Variants in STARD10 observed in about 807,000 individuals in gnomAD.
STARD10 encodes the protein START domain-containing protein 10.
STARD10 carries 24 observed loss-of-function variants against 36.0 expected under a neutral mutation model. The observed-to-expected ratio is 0.67, with a 90% CI of 0.48 to 0.94. The LOEUF (loss-of-function observed/expected upper bound fraction) is 0.94. STARD10 is among the 40% of genes least tolerant of loss of function. STARD10 has a pLI of 0.00. For synonymous variants in STARD10, 156 were observed against 161.9 expected, an observed-to-expected ratio of 0.96 and a Z score of 0.28; for missense variants, 335 against 396.6, an observed-to-expected ratio of 0.84 and a Z score of 1.32.
At chr11:72,771,603 C>G (rs1378303490) in intron 2 of STARD10, among the ~76,000 whole-genome samples, 1 of 152,138 alleles carries the variant, frequency 6.6e-6, no homozygotes, top group Non-Finnish European at 1.5e-5. Flanking sequence ...TAGGCCTTCT[C>G]CGCCGCTCTC....
chr11:72,775,500 G>T (rs1858919069), intron 2 of STARD10, among the ~76,000 whole-genome samples: 1 of 152,036 alleles, frequency 6.6e-6, no homozygotes, highest in African/African-American at 2.4e-5. Context: ...CCACCTCTGG[G>T]CCTTTGCACA....
At chr11:72,780,321 A>C in intron 2 of STARD10, 1 of 395,976 alleles carries the variant, frequency 2.5e-6, no homozygotes, top group South Asian at 1.7e-5. Flanking sequence ...ACTGCTCCCT[A>C]TGTTGGCTTC....
In STARD10 at chr11:72,754,917, C is replaced by G. The variant is rs1042929978; in HGVS notation, c.856G>C (p.Asp286His). The change falls in exon 7 of 7, where the codon GAC becomes CAC. Residue 286 changes from aspartate to histidine, a missense_variant. Coordinates refer to ENST00000334805, the MANE Select transcript of STARD10 (RefSeq NM_006645.3). ...GGCGCTCAGGTGAGCGAGGTGTCGT[C>G]GTCGCTGCCCTCGCCGCCCGCGCCG... Reference protein sequence around the residue: ...MGGAGGEGSDDDTSLT With the variant: ...MGGAGGEGSDHDTSLT 7 of 1,600,260 alleles carry G rather than the reference C, an allele frequency of 4.4e-6. No homozygotes were observed. Among genetic ancestry groups the G allele is most frequent in the East Asian group, 4.5e-5 (2 of 44,692 alleles).
intron 1 of STARD10, among the ~76,000 whole-genome samples, chr11:72,789,241 C>T (rs1445684110): frequency 1.3e-5 from 2 of 152,188 alleles, no homozygotes; most frequent in Non-Finnish European, 2.9e-5. Context: ...TAGCACAGTG[C>T]CTGGCACACA....
At chr11:72,787,084 CA>C (rs765529093) in intron 1 of STARD10, among the ~76,000 whole-genome samples, 1,458 of 72,010 alleles carry the variant, frequency 0.02, 4 homozygotes, top group African/African-American at 0.056. Context: ...ACCCTGTGTC[CA>C]AAAAAAAAAA....
chr11:72,778,282 T>C (rs1377329108), intron 2 of STARD10, among the ~76,000 whole-genome samples: 1 of 152,226 alleles, frequency 6.6e-6, no homozygotes, highest in Non-Finnish European at 1.5e-5. Flanking sequence ...GCAAATAACA[T>C]TACCTCACTC....
At chr11:72,780,470 G>C (rs1217255355) in intron 2 of STARD10, 3 of 429,970 alleles carry the variant, frequency 7.0e-6, no homozygotes, top group Non-Finnish European at 1.4e-5. Flanking sequence ...CAGCCAGGGA[G>C]GGAGGGAAGG....
chr11:72,755,219 G>T lies in STARD10; in HGVS notation c.631-77C>A, dbSNP rs545957341. The T allele has an allele frequency of 9.4e-6, 14 of 1,488,050 alleles. No individual in the cohort carries two copies. In the African/African-American group the frequency reaches 1.8e-4, roughly 19 times the overall value. 92.2% of individuals were successfully genotyped at this position (1,488,050 alleles called of 1,614,324 possible). A position where few individuals can be genotyped will look rare whatever the true frequency, so the allele number is the denominator to read the frequency against. ...CTCCACACCCCCCTCCAGCGGCTCA[G>T]CCCCCAGCATCCTGACTGGCTCCCT... On this transcript the variant is annotated intron_variant, in intron 6 of 6. Transcript: ENST00000334805.
chr11:72,758,096 C>G (rs1354764169), intron 4 of STARD10, among the ~76,000 whole-genome samples: 1 of 152,212 alleles, frequency 6.6e-6, no homozygotes, highest in Non-Finnish European at 1.5e-5. Context: ...CTGTTCCCCT[C>G]AGAAAAGCCC....
chr11:72,758,545 G>C lies in STARD10; in HGVS notation c.444C>G (p.Tyr148Ter), dbSNP rs369550876. Reference protein sequence around the residue: ...PMGADYIIMNYSVKHPKYPPR... With the variant: ...PMGADYIIMN The stretch of plus-strand genomic sequence containing the variant: ...GTTGACTCACGGGATGTTTGACTGA[G>C]TAGTTCATAATGATGTAATCAGCGC... Residue 148 changes from tyrosine to a stop codon, truncating the protein, a stop_gained, in exon 4 of 7, where the codon TAC becomes TAG. Transcript: ENST00000334805. LOFTEE classifies it high-confidence loss of function. 4.3e-6 allele frequency: 7 copies of C among 1,613,894 alleles called. No homozygotes were observed. The highest frequency in any genetic ancestry group is 5.1e-6 in the Non-Finnish European group (6 of 1,179,886).
chr11:72,787,084 CAAAAAAA>C lies in STARD10; in HGVS notation c.-114+5784_-114+5790del, dbSNP rs765529093. Among the ~76,000 whole-genome samples the C allele has an allele frequency of 3.5e-4, 25 of 72,024 alleles. No homozygotes were observed. The South Asian group carries it at 3.7e-3, about 11-fold the overall frequency. The allele number at this position is 72,024 out of a possible 152,430, so 47.3% of individuals were successfully genotyped here. On this transcript the variant is annotated intron_variant, in intron 1 of 6. Transcript: ENST00000334805. ...GGGTGACAGAGAGAGACCCTGTGTC[CAAAAAAA>C]AAAAAAAAAAAAAAGGAAATGGGAC...
chr11:72,762,965 G>A (rs1858740368), intron 2 of STARD10, among the ~76,000 whole-genome samples: 1 of 152,182 alleles, frequency 6.6e-6, no homozygotes, highest in African/African-American at 2.4e-5. Flanking sequence ...AGATGAGCAT[G>A]GAACATCTTC....
At chr11:72,765,816 C>CAAAAA (rs752801080) in intron 2 of STARD10, among the ~76,000 whole-genome samples, 6 of 118,198 alleles carry the variant, frequency 5.1e-5, no homozygotes, top group African/African-American at 2.1e-4. Context: ...ACTAAAAATA[C>CAAAAA]AAAAAAAAAA....
chr11:72,754,745 T>G lies in STARD10; in HGVS notation c.*152A>C. The G allele has an allele frequency of 2.5e-6, 3 of 1,199,888 alleles. No individual in the cohort carries two copies. Among genetic ancestry groups the G allele is most frequent in the Non-Finnish European group, 3.5e-6 (3 of 847,280 alleles). 74.3% of individuals were successfully genotyped at this position (1,199,888 alleles called of 1,614,324 possible). A position where few individuals can be genotyped will look rare whatever the true frequency, so the allele number is the denominator to read the frequency against. ...TGAGCCGGCTGAGGCTGTGGGATCG[T>G]TTATTGGGGCTCTGTCCAGCCAGGC... On this transcript the variant is annotated 3_prime_UTR_variant, in exon 7 of 7. Transcript: ENST00000334805.
intron 2 of STARD10, among the ~76,000 whole-genome samples, chr11:72,761,917 C>CTTTTTTTTTTTTTTTTTTT (rs1189000490): frequency 2.9e-4 from 11 of 37,478 alleles, no homozygotes; most frequent in Non-Finnish European, 3.8e-4. Flanking sequence ...CTTTTCTTTT[C>CTTTTTTTTTTTTTTTTTTT]TTTTTTTTTT....
At position 72,781,037 on chromosome 11, in the gene STARD10, T is replaced by C; in HGVS notation, c.145A>G (p.Arg49Gly). 1 of 1,614,112 alleles carries C rather than the reference T, an allele frequency of 6.2e-7. No individual in the cohort carries two copies. The highest frequency in any genetic ancestry group is 8.5e-7 in the Non-Finnish European group (1 of 1,180,010). ...TGCACCCAGACAGACACCCCAGCCC[T>C]GCTATAGGTCAGGTTCCAGCCCACC... is the stretch of plus-strand genomic sequence containing the variant. ...AEVGWNLTYS[R>G]AGVSVWVQAV... The change falls in exon 2 of 7, where the codon AGG (arginine) becomes GGG (glycine). Residue 49 changes from arginine to glycine, a missense_variant. Coordinates refer to ENST00000334805, the MANE Select transcript of STARD10 (RefSeq NM_006645.3). The surrounding 1 kb of genome is among the most constrained non-coding windows in gnomAD (Gnocchi z 4.7).
Position 72,759,357 on chromosome 11 carries a change from G to C in STARD10, c.232C>G (p.Pro78Ala). Reference sequence around the variant, plus strand: ...AGGACGTCGTAGAGTGTCTCGGCTGGCACATCACAGCACTCCATCCGGCAC... The same window carrying C: ...AGGACGTCGTAGAGTGTCTCGGCTGCCACATCACAGCACTCCATCCGGCAC... ...IKCRMECCDVPAETLYDVLHD... is the reference protein window; with the variant it reads ...IKCRMECCDVAAETLYDVLHD... The change falls in exon 3 of 7, where the codon CCA becomes GCA. Residue 78 changes from proline to alanine, a missense_variant. Transcript: ENST00000334805. 2.5e-6 allele frequency: 4 copies of C among 1,613,664 alleles called. No individual in the cohort carries two copies. Among genetic ancestry groups the C allele is most frequent in the Middle Eastern group, 1.6e-4 (1 of 6,062 alleles).
chr11:72,778,791 G>A (rs1288266195), intron 2 of STARD10, among the ~76,000 whole-genome samples: 1 of 152,236 alleles, frequency 6.6e-6, no homozygotes, highest in East Asian at 1.9e-4. Context: ...CCAGGGGCAG[G>A]AGGGGTATGA....
At chr11:72,759,747 G>A (rs1858692006) in intron 2 of STARD10, among the ~76,000 whole-genome samples, 1 of 152,182 alleles carries the variant, frequency 6.6e-6, no homozygotes, top group South Asian at 2.1e-4. Context: ...CTTCAGCCTG[G>A]AGCCTGGAAT....
Sources: gnomAD v4.1 joint callset for allele counts (sites outside exome capture counted in the v4.1 genomes callset) on GRCh38, gnomAD v4.1.1 for gene constraint, Gnocchi (gnomAD v3.1) non-coding constraint, MANE v1.5 for transcripts, NCBI Gene and HGNC (gene_info 2026-07-23, HGNC 2026-07-21) for gene names.